SATB1: variants seen among roughly 807,000 people sequenced by gnomAD.
The protein encoded by SATB1 is DNA-binding protein SATB1.
A neutral mutation model predicts 86.9 loss-of-function variants in SATB1; 11 were observed. That is an observed-to-expected ratio of 0.13 (90% CI 0.08 to 0.21). The LOEUF (loss-of-function observed/expected upper bound fraction) is 0.21. Among genes scored for constraint, SATB1 ranks in the 10% least tolerant of loss-of-function variants. The pLI, the probability that SATB1 is intolerant of heterozygous loss-of-function variation, is 1.00. For synonymous variants in SATB1, 357 were observed against 357.2 expected (o/e 1.00, Z 0.01); for missense variants, 551 against 937.6 (o/e 0.59, Z 5.39).
chr3:18,440,782 T>C (rs1369136958), upstream of SATB1, among the ~76,000 whole-genome samples: 1 of 151,822 alleles, frequency 6.6e-6, no homozygotes, highest in Non-Finnish European at 1.5e-5. Context: ...GTAAAAATCA[T>C]CACAGAGTTT....
Position 18,386,584 on chromosome 3 carries a change from C to T in SATB1, c.1234G>A (p.Glu412Lys), listed in dbSNP as rs1259577543. The T allele has an allele frequency of 6.2e-7, 1 of 1,614,088 alleles. No individual in the cohort carries two copies. The highest frequency in any genetic ancestry group is 8.5e-7 in the Non-Finnish European group (1 of 1,179,992). ...QGLLSEILRK[E>K]EDPKTASQSL... ...TGGGATGCAGTCTTGGGGTCCTCTT[C>T]CTTTCGGAGGATTTCTGAAAGCAAG... is the stretch of plus-strand genomic sequence containing the variant. The change falls in exon 8 of 11, where the codon GAA becomes AAA. Residue 412 changes from glutamate (E) to lysine (K), a missense_variant. Coordinates refer to ENST00000338745, the MANE Select transcript of SATB1 (RefSeq NM_002971.6). The surrounding 1 kb of genome is among the most constrained non-coding windows in gnomAD (Gnocchi z 4.5).
chr3:18,362,355 G>A (rs1244271989), intron 9 of SATB1, among the ~76,000 whole-genome samples: 1 of 152,052 alleles, frequency 6.6e-6, no homozygotes, highest in East Asian at 1.9e-4. Flanking sequence ...ACTTCAACGA[G>A]TGAAATGTAA....
At chr3:18,378,635 C>T (rs751917881) in intron 8 of SATB1, among the ~76,000 whole-genome samples, 2 of 152,164 alleles carry the variant, frequency 1.3e-5, no homozygotes, top group African/African-American at 2.4e-5. Flanking sequence ...AACTAATTGT[C>T]TCCCAATTAC....
chr3:18,376,687 C>T (rs1695774540), intron 9 of SATB1, among the ~76,000 whole-genome samples: 1 of 151,972 alleles, frequency 6.6e-6, no homozygotes, highest in African/African-American at 2.4e-5. Context: ...AACATTCTAT[C>T]ATAATTAGAA....
intron 5 of SATB1, among the ~76,000 whole-genome samples, chr3:18,407,487 A>G (rs1467007617): frequency 6.6e-6 from 1 of 152,050 alleles, no homozygotes; most frequent in Non-Finnish European, 1.5e-5. Flanking sequence ...ACATTTTAGA[A>G]AAACAACTAG....
rs1694101997 is a variant in SATB1, at chr3:18,347,262, G to A, written c.*1908C>T. 6.6e-6 allele frequency: 1 copy of A among 152,074 alleles called. No individual in the cohort carries two copies. The highest frequency in any genetic ancestry group is 2.4e-5 in the African/African-American group (1 of 41,394). 9.4% of individuals were successfully genotyped at this position (152,074 alleles called of 1,614,324 possible). A position where few individuals can be genotyped will look rare whatever the true frequency, so the allele number is the denominator to read the frequency against. ...TACTAGCATCTAGGAAACAAAGTGA[G>A]GGAGCAAATAAAAGAAAAATCACCC... On this transcript the variant is annotated 3_prime_UTR_variant, in exon 11 of 11. Transcript: ENST00000338745.
chr3:18,425,562 G>C (rs899638307), upstream of SATB1, among the ~76,000 whole-genome samples: 3 of 150,998 alleles, frequency 2.0e-5, no homozygotes, highest in African/African-American at 4.9e-5. Context: ...TGAGGGAATG[G>C]GGGGAGCGCA....
At chr3:18,395,729 A>G (rs1696932696) in intron 6 of SATB1, among the ~76,000 whole-genome samples, 1 of 152,194 alleles carries the variant, frequency 6.6e-6, no homozygotes, top group African/African-American at 2.4e-5. Flanking sequence ...TTCTGGTACA[A>G]TGGTGAGGCT....
chr3:18,351,438 C>G, intron 10 of SATB1: 1 of 1,477,718 alleles, frequency 6.8e-7, no homozygotes, highest in Non-Finnish European at 9.1e-7. Context: ...AGATGACTCA[C>G]CCCTAACCTA....
At chr3:18,389,513 TGTGGCCACCA>T (rs1696530542) in intron 7 of SATB1, among the ~76,000 whole-genome samples, 1 of 152,046 alleles carries the variant, frequency 6.6e-6, no homozygotes, top group African/African-American at 2.4e-5. Context: ...TCAAGATATA[TGTGGCCACCA>T]GTTCCCATAT....
intron 2 of SATB1, among the ~76,000 whole-genome samples, chr3:18,431,740 G>A (rs928787351): frequency 2.6e-5 from 4 of 152,128 alleles, no homozygotes; most frequent in African/African-American, 9.7e-5. Flanking sequence ...TGAACCAGCA[G>A]TAGACCAAAA....
At chr3:18,418,168 C>T (rs1385708374) in intron 2 of SATB1, among the ~76,000 whole-genome samples, 6 of 152,132 alleles carry the variant, frequency 3.9e-5, no homozygotes, top group African/African-American at 1.4e-4. Flanking sequence ...CCAGGATCCA[C>T]AATTAGTCCT....
Position 18,349,706 on chromosome 3 carries a change from C to T in SATB1, c.1780-24G>A, listed in dbSNP as rs565624124. ...TGCTGCAAAGAAACAAGGAGACAAT[C>T]AGAGCTCTGCTATCGTGGAGTTCCA... On this transcript the variant is annotated intron_variant, in intron 10 of 10. Transcript: ENST00000338745. The surrounding 1 kb of genome is among the most constrained non-coding windows in gnomAD (Gnocchi z 5.5). The T allele has an allele frequency of 5.1e-6, 8 of 1,569,924 alleles. No homozygotes were observed. The African/African-American group carries it at 1.1e-4, about 21-fold the overall frequency.
intron 10 of SATB1, chr3:18,351,516 A>G: frequency 1.3e-6 from 1 of 778,310 alleles, no homozygotes; most frequent in Non-Finnish European, 2.0e-6. Context: ...ACTGTAAGGC[A>G]AGATTCCAAT....
chr3:18,445,219 CT>C (rs928464750), intron 1 of SATB1: 2 of 981,548 alleles, frequency 2.0e-6, no homozygotes, highest in Non-Finnish European at 2.4e-6. Context: ...GCTTCTCCCC[CT>C]GGCGGTGGGA....
At chr3:18,400,863 A>G (rs1054455342) in intron 5 of SATB1, among the ~76,000 whole-genome samples, 4 of 152,200 alleles carry the variant, frequency 2.6e-5, no homozygotes, top group Non-Finnish European at 5.9e-5. Flanking sequence ...TTAAGTTACA[A>G]GTTGGTACAA....
rs1189149676 is a variant in SATB1 at position 18,352,423 on chromosome 3, CAT to C, written c.1576-230_1576-229del. On this transcript the variant is annotated intron_variant, in intron 9 of 10. Transcript: ENST00000338745. The surrounding 1 kb of genome is among the most constrained non-coding windows in gnomAD (Gnocchi z 4.1). ...TCAGATTTGCATCTCAAAGGAGGGACATATTTTTTCAGACTCTGAGGGTAACA... is the reference window on the plus strand; with the variant it reads ...TCAGATTTGCATCTCAAAGGAGGGACATTTTTTCAGACTCTGAGGGTAACA... 66 of 498,158 alleles carry C rather than the reference CAT, an allele frequency of 1.3e-4. No homozygotes were observed. In the East Asian group the frequency reaches 1.7e-3, roughly 13 times the overall value. 30.9% of individuals were successfully genotyped at this position (498,158 alleles called of 1,614,324 possible).
intron 9 of SATB1, among the ~76,000 whole-genome samples, chr3:18,355,499 G>A (rs745665593): frequency 1.3e-5 from 2 of 151,778 alleles, no homozygotes; most frequent in Non-Finnish European, 2.9e-5. Context: ...AATAAACTTG[G>A]GAAGAAAATG....
intron 5 of SATB1, among the ~76,000 whole-genome samples, chr3:18,408,172 A>G (rs1252451523): frequency 1.3e-5 from 2 of 152,028 alleles, no homozygotes; most frequent in African/African-American, 2.4e-5. Flanking sequence ...CAATTTTTTT[A>G]AGAGAGAAAG....
Sources: gnomAD v4.1 joint callset for allele counts (sites outside exome capture counted in the v4.1 genomes callset) on GRCh38, gnomAD v4.1.1 for gene constraint, Gnocchi (gnomAD v3.1) non-coding constraint, MANE v1.5 for transcripts, NCBI Gene and HGNC (gene_info 2026-07-23, HGNC 2026-07-21) for gene names.